Variants in TENM2 observed in about 807,000 individuals in gnomAD.
TENM2 encodes teneurin-2.
A neutral mutation model predicts 245.2 loss-of-function variants in TENM2; 52 were observed. The observed-to-expected ratio is 0.21, with a 90% CI of 0.17 to 0.27. The LOEUF (loss-of-function observed/expected upper bound fraction) is 0.27, where lower values mean the gene tolerates loss of function less well. TENM2 is among the 10% of genes least tolerant of loss of function. The probability of loss-of-function intolerance (pLI) is 1.00; values close to 1 mark genes in which losing one functional copy is unlikely to be tolerated. For synonymous variants in TENM2, 1,363 were observed against 1,438.9 expected, an observed-to-expected ratio of 0.95 and a Z score of 1.19; for missense variants, 3,046 against 3,666.8, an observed-to-expected ratio of 0.83 and a Z score of 4.37.
At chr5:168,089,474 G>A (rs1423406359) in intron 7 of TENM2, among the ~76,000 whole-genome samples, 1 of 152,072 alleles carries the variant, frequency 6.6e-6, no homozygotes, top group Admixed American at 6.6e-5. Context: ...CCTCTCTTGG[G>A]TCCCGTTTGA....
chr5:167,637,056 G>T (rs547405487), intron 2 of TENM2, among the ~76,000 whole-genome samples: 36 of 152,240 alleles, frequency 2.4e-4, no homozygotes, highest in African/African-American at 8.4e-4. Flanking sequence ...TGTTGCTCAT[G>T]CACGATATGG....
At chr5:167,456,946 C>A (rs1765961246) in intron 2 of TENM2, among the ~76,000 whole-genome samples, 5 of 152,180 alleles carry the variant, frequency 3.3e-5, no homozygotes, top group Non-Finnish European at 7.4e-5. Flanking sequence ...ATGATGTTAC[C>A]ACAGCTAAAT....
chr5:167,042,596 A>G, the TENM2 span, among the ~76,000 whole-genome samples: 2 of 152,340 alleles, frequency 1.3e-5, no homozygotes, highest in East Asian at 3.9e-4. Context: ...GTGGGAAAAG[A>G]TAGAGAGATA....
the TENM2 span, among the ~76,000 whole-genome samples, chr5:167,003,080 C>CT: frequency 6.6e-6 from 1 of 151,916 alleles, no homozygotes; most frequent in Admixed American, 6.6e-5. Context: ...TATTGTTAGG[C>CT]TAAAAGAAAA....
chr5:168,161,370 T>C (rs187879114), intron 12 of TENM2, among the ~76,000 whole-genome samples: 3 of 152,276 alleles, frequency 2.0e-5, no homozygotes, highest in Non-Finnish European at 1.5e-5. Flanking sequence ...TGGGGAAAAG[T>C]AAATTAATGG....
the TENM2 span, among the ~76,000 whole-genome samples, chr5:167,163,379 G>A: frequency 1.8e-4 from 28 of 152,202 alleles, no homozygotes; most frequent in African/African-American, 6.3e-4. Context: ...GCGTGAGAGC[G>A]TGAGCCACTG....
chr5:167,767,356 T>C (rs1582955107), intron 2 of TENM2, among the ~76,000 whole-genome samples: 1 of 152,198 alleles, frequency 6.6e-6, no homozygotes, highest in Admixed American at 6.5e-5. Flanking sequence ...GTCAGATTCA[T>C]TGACATAGAA....
intron 13 of TENM2, among the ~76,000 whole-genome samples, chr5:168,184,742 A>T (rs1444610643): frequency 6.6e-6 from 1 of 152,158 alleles, no homozygotes; most frequent in Non-Finnish European, 1.5e-5. Context: ...CAGCCTCTCC[A>T]TCGACACAGG....
rs1450579623 is a variant in TENM2, at chr5:168,226,078, C to G, written c.5109-10C>G. Reference sequence around the variant, plus strand: ...AACCAGGGTTTATCTATCTATCTATCTCCCCCCAGCTATGACCACGAAGGC... The same window carrying G: ...AACCAGGGTTTATCTATCTATCTATGTCCCCCCAGCTATGACCACGAAGGC... On this transcript the variant is annotated splice_polypyrimidine_tract_variant and intron_variant, in intron 23 of 28. Coordinates refer to ENST00000518659, the Ensembl canonical transcript of TENM2. 1.2e-6 allele frequency: 2 copies of G among 1,610,788 alleles called. No homozygotes were observed. The highest frequency in any genetic ancestry group is 2.7e-5 in the African/African-American group (2 of 74,936).
At chr5:167,795,721 C>T (rs1204473870) in intron 2 of TENM2, among the ~76,000 whole-genome samples, 2 of 151,936 alleles carry the variant, frequency 1.3e-5, no homozygotes, top group East Asian at 3.9e-4. Context: ...TTGTTAAATG[C>T]AGGAAAATAG....
chr5:168,141,847 TC>T (rs1289613656), intron 12 of TENM2, among the ~76,000 whole-genome samples: 1 of 152,190 alleles, frequency 6.6e-6, no homozygotes, highest in East Asian at 1.9e-4. Context: ...TCTTCATTCA[TC>T]ATGCCTCTCA....
At chr5:167,129,956 G>T in the TENM2 span, among the ~76,000 whole-genome samples, 50 of 152,112 alleles carry the variant, frequency 3.3e-4, no homozygotes, top group African/African-American at 1.2e-3. Context: ...AGGTTCTGAG[G>T]GAAAAATCCT....
At chr5:167,917,037 G>A (rs1384463049) in intron 3 of TENM2, among the ~76,000 whole-genome samples, 6 of 152,224 alleles carry the variant, frequency 3.9e-5, no homozygotes, top group Admixed American at 3.3e-4. Context: ...GGGAGGTACT[G>A]TACCGGTGCC....
At chr5:167,817,265 T>A (rs1202545195) in intron 2 of TENM2, among the ~76,000 whole-genome samples, 2 of 152,188 alleles carry the variant, frequency 1.3e-5, no homozygotes, top group Non-Finnish European at 2.9e-5. Flanking sequence ...TCTGAAGACT[T>A]ATAATTTTGA....
intron 7 of TENM2, among the ~76,000 whole-genome samples, chr5:168,084,239 G>T (rs1047099208): frequency 3.3e-5 from 5 of 152,162 alleles, no homozygotes; most frequent in Admixed American, 2.0e-4. Context: ...GTGTCATTTT[G>T]GTAGAAGGAT....
intron 1 of TENM2, among the ~76,000 whole-genome samples, chr5:167,324,024 C>T (rs1176687590): frequency 1.3e-5 from 2 of 152,156 alleles, no homozygotes; most frequent in Non-Finnish European, 2.9e-5. Flanking sequence ...AGTTTGAATT[C>T]GTCTTAGCCG....
In TENM2 at chr5:168,257,704, C is replaced by T. The variant is rs192975687; in HGVS notation, c.7433-2579C>T. On this transcript the variant is annotated intron_variant, in intron 27 of 28. Coordinates refer to ENST00000518659, the Ensembl canonical transcript of TENM2. ...GATCTCTGCTCACTGCAACCTCTGC[C>T]TCCCGGGTTCAAGCGATTCTCCTGC... 9.2e-3 allele frequency among the ~76,000 whole-genome samples: 1,399 copies of T among 151,876 alleles called. 23 individuals are homozygous for T. The highest frequency in any genetic ancestry group is 0.032 in the African/African-American group (1,337 of 41,378).
chr5:167,673,610 C>T (rs935222224), intron 2 of TENM2, among the ~76,000 whole-genome samples: 17 of 152,246 alleles, frequency 1.1e-4, no homozygotes, highest in Admixed American at 1.0e-3. Flanking sequence ...GGATAATAGT[C>T]TGTGATTGAA....
At chr5:167,970,034 A>G (rs1422932) in intron 4 of TENM2, among the ~76,000 whole-genome samples, 53,605 of 152,104 alleles carry the variant, frequency 0.35, 9,594 homozygotes, top group Non-Finnish European at 0.36. Flanking sequence ...TTCAATGTTA[A>G]TTTGGTCACA....
Sources: allele counts gnomAD v4.1 joint callset (sites outside exome capture counted in the v4.1 genomes callset), GRCh38; gene constraint gnomAD v4.1.1; transcripts MANE v1.5; gene names NCBI Gene and HGNC (gene_info 2026-07-23, HGNC 2026-07-21).